The following TSGA10 variants were observed in gnomAD, a reference collection of about 807,000 sequenced individuals.
TSGA10 encodes testis specific 10, also known as testis-specific gene 10 protein.
TSGA10 carries 43 observed loss-of-function variants against 96.6 expected under a neutral mutation model. That is an observed-to-expected ratio of 0.44 (90% confidence interval 0.35 to 0.57). The LOEUF (loss-of-function observed/expected upper bound fraction) is 0.57. TSGA10 is among the 20% of genes least tolerant of loss of function. TSGA10 has a pLI of 0.01. For synonymous variants in TSGA10, 229 were observed against 269.9 expected (o/e 0.85, Z 1.48); for missense variants, 703 against 834.4 (o/e 0.84, Z 1.94).
intron 15 of TSGA10, among the ~76,000 whole-genome samples, chr2:99,067,921 C>G (rs2085455748): frequency 6.6e-6 from 1 of 151,996 alleles, no homozygotes; most frequent in Non-Finnish European, 1.5e-5. Context: ...AGATGGCTCA[C>G]TGTGCTAGGT....
At chr2:99,091,050 A>G (rs535652537) in intron 10 of TSGA10, among the ~76,000 whole-genome samples, 1 of 152,330 alleles carries the variant, frequency 6.6e-6, no homozygotes, top group East Asian at 1.9e-4. Flanking sequence ...TATAAAGGAA[A>G]ACCTTTCAGA....
intron 2 of TSGA10, among the ~76,000 whole-genome samples, chr2:99,122,254 T>C (rs1318709469): frequency 6.6e-6 from 1 of 152,142 alleles, no homozygotes; most frequent in Non-Finnish European, 1.5e-5. Flanking sequence ...GTTGATTTAT[T>C]TATAGTGTTT....
intron 17 of TSGA10, among the ~76,000 whole-genome samples, chr2:99,022,465 T>C (rs2080135932): frequency 6.6e-6 from 1 of 152,184 alleles, no homozygotes; most frequent in African/African-American, 2.4e-5. Flanking sequence ...ATGCGGTCTT[T>C]TGTGACTGGC....
At chr2:99,037,247 T>C (rs1011752564) in intron 16 of TSGA10, among the ~76,000 whole-genome samples, 2 of 152,178 alleles carry the variant, frequency 1.3e-5, no homozygotes, top group East Asian at 1.9e-4. Flanking sequence ...GTATGCCCTA[T>C]AAAACACATC....
chr2:99,137,674 G>A (rs780080627), intron 1 of TSGA10, among the ~76,000 whole-genome samples: 2 of 152,124 alleles, frequency 1.3e-5, no homozygotes, highest in South Asian at 4.1e-4. Context: ...CAGTGGAAGC[G>A]GAAAGATAGC....
At chr2:99,119,897 G>A (rs935636273) in intron 2 of TSGA10, among the ~76,000 whole-genome samples, 12 of 152,148 alleles carry the variant, frequency 7.9e-5, no homozygotes, top group Non-Finnish European at 1.5e-4. Context: ...ACTTCAAGTT[G>A]TGTTTTTCAT....
At chr2:99,056,811 T>A (rs1573921394) in intron 16 of TSGA10, among the ~76,000 whole-genome samples, 3 of 70,960 alleles carry the variant, frequency 4.2e-5, no homozygotes, top group Non-Finnish European at 8.5e-5. Flanking sequence ...ATACACAAAA[T>A]CCTTCAAAAA....
Position 99,037,107 on chromosome 2 carries a change from C to G in TSGA10, c.1405-1668G>C, listed in dbSNP as rs183362402. Among the ~76,000 whole-genome samples the G allele has an allele frequency of 1.8e-3, 278 of 152,242 alleles. 1 individual carries two copies. The highest frequency in any genetic ancestry group is 3.3e-3 in the Non-Finnish European group (226 of 68,006). ...ACAGATCAAGCAGGCAGAAAGTCAG[C>G]AAGGATACAATTCAACTGAACAGCG... On this transcript the variant is annotated intron_variant, in intron 16 of 20. Coordinates refer to ENST00000393483, the MANE Select transcript of TSGA10 (RefSeq NM_025244.4).
At chr2:99,023,459 G>C (rs576090876) in intron 17 of TSGA10, among the ~76,000 whole-genome samples, 1 of 150,868 alleles carries the variant, frequency 6.6e-6, no homozygotes, top group Non-Finnish European at 1.5e-5. Context: ...TTGTGTTTTT[G>C]ATGTGTATTT....
At chr2:99,053,606 G>C (rs1180791163) in intron 16 of TSGA10, among the ~76,000 whole-genome samples, 1 of 152,114 alleles carries the variant, frequency 6.6e-6, no homozygotes, top group Non-Finnish European at 1.5e-5. Context: ...ACTAGGTATA[G>C]AAGGTATGTA....
intron 20 of TSGA10, among the ~76,000 whole-genome samples, chr2:99,000,843 G>A (rs1558676195): frequency 6.6e-6 from 1 of 152,098 alleles, no homozygotes; most frequent in Non-Finnish European, 1.5e-5. Flanking sequence ...GGCTCGGTGG[G>A]TCCCACACCC....
chr2:99,054,158 T>C (rs2083718647), intron 16 of TSGA10, among the ~76,000 whole-genome samples: 2 of 152,106 alleles, frequency 1.3e-5, no homozygotes, highest in Non-Finnish European at 2.9e-5. Flanking sequence ...AACAGAATGG[T>C]AGTGCCATAA....
chr2:99,146,176 G>C (rs552895970), intron 1 of TSGA10, among the ~76,000 whole-genome samples: 1 of 152,142 alleles, frequency 6.6e-6, no homozygotes, highest in African/African-American at 2.4e-5. Flanking sequence ...CCAGCTACTC[G>C]GGAGGCCTCA....
At chr2:99,090,679 G>A (rs183614428) in intron 10 of TSGA10, among the ~76,000 whole-genome samples, 38 of 152,236 alleles carry the variant, frequency 2.5e-4, no homozygotes, top group African/African-American at 8.9e-4. Context: ...AAACTTTAGA[G>A]CTTGAAGACA....
chr2:99,037,550 T>C (rs1558801588), intron 16 of TSGA10, among the ~76,000 whole-genome samples: 1 of 152,064 alleles, frequency 6.6e-6, no homozygotes, highest in African/African-American at 2.4e-5. Context: ...AGAAGGAATA[T>C]CTAAAATCAA....
intron 4 of TSGA10, chr2:99,117,268 G>A (rs536822638): frequency 1.3e-5 from 2 of 152,334 alleles, no homozygotes; most frequent in South Asian, 4.2e-4. Context: ...AGAGGAATTG[G>A]GAAGTGGGAG....
At chr2:99,019,268 T>A (rs1209789997) in intron 18 of TSGA10, among the ~76,000 whole-genome samples, 1 of 152,202 alleles carries the variant, frequency 6.6e-6, no homozygotes, top group African/African-American at 2.4e-5. Flanking sequence ...CTTTAGAGAC[T>A]AATAACAAAC....
chr2:99,027,664 A>C (rs2080746258), intron 17 of TSGA10, among the ~76,000 whole-genome samples: 2 of 152,226 alleles, frequency 1.3e-5, no homozygotes, highest in South Asian at 4.1e-4. Flanking sequence ...TATACTCCAT[A>C]AATATACATA....
rs1559128372 is a variant in TSGA10, at chr2:99,136,021, A to AAAAAAAAAC, written c.-620-8846_-620-8845insGTTTTTTTT. On this transcript the variant is annotated intron_variant, in intron 1 of 20. Transcript: ENST00000393483. ...CGAGACTTCGTACCAAAAAAAAAAA[A>AAAAAAAAAC]GGGTCTGCATCATAGAGTTGCGTGA... is the stretch of plus-strand genomic sequence containing the variant. Among the ~76,000 whole-genome samples the AAAAAAAAAC allele has an allele frequency of 1.5e-3, 224 of 148,326 alleles. 30 individuals carry two copies. Among genetic ancestry groups the AAAAAAAAAC allele is most frequent in the Middle Eastern group, 0.01 (3 of 286 alleles).
Sources: gnomAD v4.1 joint callset for allele counts (sites outside exome capture counted in the v4.1 genomes callset) on GRCh38, gnomAD v4.1.1 for gene constraint, MANE v1.5 for transcripts, NCBI Gene and HGNC (gene_info 2026-07-23, HGNC 2026-07-21) for gene names.